The following VAV3 variants were observed in gnomAD, a reference collection of about 807,000 sequenced individuals.
VAV3 encodes the protein guanine nucleotide exchange factor VAV3.
VAV3 carries 94 observed loss-of-function variants against 131.2 expected under a neutral mutation model. That is an observed-to-expected ratio of 0.72 (90% CI 0.61 to 0.85). The LOEUF (loss-of-function observed/expected upper bound fraction) is 0.85. Among genes scored for constraint, VAV3 ranks in the 40% least tolerant of loss-of-function variants. The pLI, the probability that VAV3 is intolerant of heterozygous loss-of-function variation, is 0.00. For synonymous variants in VAV3, 349 were observed against 342.0 expected, an observed-to-expected ratio of 1.02 and a Z score of -0.22; for missense variants, 939 against 1,002.7, an observed-to-expected ratio of 0.94 and a Z score of 0.86.
intron 19 of VAV3, among the ~76,000 whole-genome samples, chr1:107,667,181 T>C: frequency 6.6e-6 from 1 of 152,208 alleles, no homozygotes; most frequent in East Asian, 1.9e-4. Context: ...GTGATGCTAA[T>C]ATCTACCATT....
At chr1:107,862,716 T>C (rs1669794147) in intron 2 of VAV3, 1 of 151,700 alleles carries the variant, frequency 6.6e-6, no homozygotes, top group Admixed American at 6.6e-5. Flanking sequence ...CAAGGATTTC[T>C]GAACACAGCT....
intron 7 of VAV3, 34 bp downstream of exon 7, chr1:107,768,407 A>T: frequency 6.5e-7 from 1 of 1,539,872 alleles, no homozygotes; most frequent in Non-Finnish European, 8.9e-7. Context: ...TTATTGAAGT[A>T]CACCACAATT....
At chr1:107,890,616 G>A (rs1300735126) in intron 1 of VAV3, among the ~76,000 whole-genome samples, 1 of 152,182 alleles carries the variant, frequency 6.6e-6, no homozygotes, top group Non-Finnish European at 1.5e-5. Flanking sequence ...AACATAAATG[G>A]ATAGACTAAC....
chr1:107,921,933 A>G (rs1672919744), intron 1 of VAV3, among the ~76,000 whole-genome samples: 1 of 152,222 alleles, frequency 6.6e-6, no homozygotes, highest in Non-Finnish European at 1.5e-5. Context: ...ACCTTAACCT[A>G]GTTATTTAAT....
chr1:107,899,487 T>C (rs1438566015), intron 1 of VAV3, among the ~76,000 whole-genome samples: 3 of 152,096 alleles, frequency 2.0e-5, no homozygotes, highest in South Asian at 2.1e-4. Context: ...ATGGGATGCA[T>C]TGTGAAGGGC....
chr1:107,669,407 G>A, intron 19 of VAV3: 1 of 1,289,578 alleles, frequency 7.8e-7, no homozygotes. Context: ...TTCTTCTTTT[G>A]GCTTTTTACA....
chr1:107,724,141 A>G (rs12022065), intron 15 of VAV3, among the ~76,000 whole-genome samples: 21,685 of 152,010 alleles, frequency 0.14, 1,737 homozygotes, highest in South Asian at 0.26. Flanking sequence ...GGTATCTCCA[A>G]TCATAGTATT....
chr1:107,899,993 AT>A (rs1315692941), intron 1 of VAV3, among the ~76,000 whole-genome samples: 2 of 152,106 alleles, frequency 1.3e-5, no homozygotes, highest in Non-Finnish European at 2.9e-5. Context: ...CTTTTTTTAT[AT>A]TCATACACTT....
intron 15 of VAV3, among the ~76,000 whole-genome samples, chr1:107,727,593 A>G (rs1314446385): frequency 6.6e-6 from 1 of 152,202 alleles, no homozygotes; most frequent in Non-Finnish European, 1.5e-5. Flanking sequence ...AACATTTAAA[A>G]TTAATATTTG....
intron 20 of VAV3, among the ~76,000 whole-genome samples, chr1:107,623,066 T>G (rs1450359508): frequency 1.3e-5 from 2 of 152,204 alleles, no homozygotes; most frequent in East Asian, 3.9e-4. Flanking sequence ...TAATCACAGC[T>G]GCAGCCATAT....
In VAV3 at chr1:107,588,440, C is replaced by A. The variant is rs182721933; in HGVS notation, c.2350+7772G>T. 1.7e-3 allele frequency among the ~76,000 whole-genome samples: 262 copies of A among 152,294 alleles called. 1 individual carries two copies. Among genetic ancestry groups the A allele is most frequent in the African/African-American group, 6.1e-3 (253 of 41,560 alleles). On this transcript the variant is annotated intron_variant, in intron 25 of 26. Transcript: ENST00000370056. Reference sequence around the variant, plus strand: ...AAATTGTCAAATGAGGCTAATGTAACACTTCACACTGGGTACCAGTATTGG... The same window carrying A: ...AAATTGTCAAATGAGGCTAATGTAAAACTTCACACTGGGTACCAGTATTGG...
At chr1:107,955,685 AG>A (rs1674775419) in intron 1 of VAV3, among the ~76,000 whole-genome samples, 1 of 151,832 alleles carries the variant, frequency 6.6e-6, no homozygotes, top group Non-Finnish European at 1.5e-5. Context: ...GCAGACAAAA[AG>A]GTATATGCAA....
intron 15 of VAV3, among the ~76,000 whole-genome samples, chr1:107,706,276 C>T (rs780909675): frequency 2.8e-4 from 42 of 152,242 alleles, no homozygotes; most frequent in Non-Finnish European, 5.0e-4. Flanking sequence ...TGAAGCATAA[C>T]ACAGGCAGGC....
chr1:107,856,590 T>A (rs1407929985), intron 2 of VAV3, among the ~76,000 whole-genome samples: 1 of 152,248 alleles, frequency 6.6e-6, no homozygotes, highest in African/African-American at 2.4e-5. Flanking sequence ...ATCAAAGTTA[T>A]GATAACTAAT....
At chr1:107,606,669 T>G (rs1232343735) in intron 22 of VAV3, among the ~76,000 whole-genome samples, 1 of 152,036 alleles carries the variant, frequency 6.6e-6, no homozygotes, top group Non-Finnish European at 1.5e-5. Flanking sequence ...AATATTTAAC[T>G]TATAAGAGCT....
chr1:107,850,973 A>C (rs907256641), intron 2 of VAV3, among the ~76,000 whole-genome samples: 1 of 152,046 alleles, frequency 6.6e-6, no homozygotes, highest in Non-Finnish European at 1.5e-5. Flanking sequence ...GAAGGAAGAA[A>C]AGTTATCCTG....
At chr1:107,940,658 G>A (rs1297392292) in intron 1 of VAV3, among the ~76,000 whole-genome samples, 1 of 152,170 alleles carries the variant, frequency 6.6e-6, no homozygotes, top group Non-Finnish European at 1.5e-5. Flanking sequence ...AGAAAGGAAA[G>A]AAATTCTGGC....
At chr1:107,816,091 C>T (rs1667549056) in intron 2 of VAV3, among the ~76,000 whole-genome samples, 1 of 152,184 alleles carries the variant, frequency 6.6e-6, no homozygotes, top group East Asian at 1.9e-4. Flanking sequence ...CCCCTCACCT[C>T]CTGCTGTGTG....
At chr1:107,583,097 T>C (rs1323613646) in intron 25 of VAV3, among the ~76,000 whole-genome samples, 1 of 152,226 alleles carries the variant, frequency 6.6e-6, no homozygotes, top group Non-Finnish European at 1.5e-5. Context: ...TTTTTAATGA[T>C]TCCCATTCTA....
Sources: gnomAD v4.1 joint callset for allele counts (sites outside exome capture counted in the v4.1 genomes callset) on GRCh38, gnomAD v4.1.1 for gene constraint, MANE v1.5 for transcripts, NCBI Gene and HGNC (gene_info 2026-07-23, HGNC 2026-07-21) for gene names.